Variants in TATDN2 observed in about 807,000 individuals in gnomAD.
TATDN2 encodes the protein TatD DNase domain containing 2, also known as 3'-5' RNA nuclease TATDN2.
TATDN2 carries 44 observed loss-of-function variants against 60.3 expected under a neutral mutation model. The observed-to-expected ratio is 0.73, with a 90% CI of 0.57 to 0.94. The LOEUF is 0.94. Ranked by LOEUF, TATDN2 falls within the 40% of genes least tolerant of loss-of-function variation. TATDN2 has a pLI of 0.00. For synonymous variants in TATDN2, 399 were observed against 355.8 expected (o/e 1.12, Z -1.37); for missense variants, 997 against 948.0 (o/e 1.05, Z -0.68).
At chr3:10,272,185 G>A (rs1698576520) in intron 4 of TATDN2, among the ~76,000 whole-genome samples, 1 of 151,838 alleles carries the variant, frequency 6.6e-6, no homozygotes, top group African/African-American at 2.4e-5. Context: ...GCTCACTGCA[G>A]CCTTGACCTC....
At chr3:10,268,029 T>C (rs1698503178) in intron 3 of TATDN2, among the ~76,000 whole-genome samples, 1 of 152,224 alleles carries the variant, frequency 6.6e-6, no homozygotes, top group Admixed American at 6.5e-5. Flanking sequence ...TAGATAAGTT[T>C]TTAAAGGTTT....
In TATDN2 at chr3:10,278,476, C is replaced by G; in HGVS notation, c.2145+14C>G. 1 of 1,606,266 alleles carries G rather than the reference C, an allele frequency of 6.2e-7. No homozygotes were observed. Among genetic ancestry groups the G allele is most frequent in the Non-Finnish European group, 8.5e-7 (1 of 1,173,958 alleles). On this transcript the variant is annotated intron_variant, in intron 6 of 7. Coordinates refer to ENST00000448281, the MANE Select transcript of TATDN2 (RefSeq NM_014760.4). This position sits in a 1 kb window ranked among gnomAD's most constrained non-coding sequence, Gnocchi z 4.7. ...CTCCCTCGCCAGGTAAGGGGGTCTT[C>G]AGGCTGAGTGGAGGCACCGGAGGGA...
chr3:10,259,463 G>C (rs1698367476), intron 2 of TATDN2, among the ~76,000 whole-genome samples: 1 of 152,222 alleles, frequency 6.6e-6, no homozygotes, highest in South Asian at 2.1e-4. Flanking sequence ...GGCAAACAAA[G>C]TCTAGCTTTT....
At chr3:10,260,691 G>C in intron 3 of TATDN2, 21 bp downstream of exon 3, 1 of 1,594,378 alleles carries the variant, frequency 6.3e-7, no homozygotes, top group Non-Finnish European at 8.5e-7. Context: ...CTTGTACCAG[G>C]CATCTGACTT....
intron 2 of TATDN2, among the ~76,000 whole-genome samples, chr3:10,250,405 A>C (rs1291037015): frequency 6.6e-6 from 1 of 152,006 alleles, no homozygotes; most frequent in African/African-American, 2.4e-5. Context: ...CTTTCCCCTT[A>C]GAGTTTGCAT....
Position 10,278,847 on chromosome 3 carries a change from A to G in TATDN2, c.2146-38A>G, listed in dbSNP as rs1250466816. The stretch of plus-strand genomic sequence containing the variant: ...AGTTCTAGATTATGACTGTGCACAC[A>G]TGGCACAATGATGTTATGACCACTT... On this transcript the variant is annotated intron_variant, in intron 6 of 7. Transcript: ENST00000448281. The surrounding 1 kb of genome is among the most constrained non-coding windows in gnomAD (Gnocchi z 4.7). The G allele has an allele frequency of 1.2e-6, 2 of 1,613,754 alleles. No individual in the cohort carries two copies. The highest frequency in any genetic ancestry group is 1.3e-5 in the African/African-American group (1 of 74,948).
rs548789484 is a variant in TATDN2, at chr3:10,257,297, TA to T, written c.415-2839del. Among the ~76,000 whole-genome samples the T allele has an allele frequency of 1.1e-3, 155 of 145,394 alleles. 3 individuals carry two copies. The highest frequency in any genetic ancestry group is 3.6e-3 in the African/African-American group (142 of 39,722). ...GAGATTTTGCCTCAAAAAAAAATTA[TA>T]TATATATATATATATGAATTCCTTA... On this transcript the variant is annotated intron_variant, in intron 2 of 7. Coordinates refer to ENST00000448281, the MANE Select transcript of TATDN2 (RefSeq NM_014760.4).
Position 10,249,455 on chromosome 3 carries a change from C to T in TATDN2, c.255C>T (p.Ser85=), listed in dbSNP as rs1198548595. ...GAAATAACTCCTCCTCCTCCTTCTC[C>T]CCACATTTCTTGGGCCCTGGTGTGG... ...RRRNNSSSSF[S]PHFLGPGVGG... is the part of the protein sequence containing the mutation. Residue 85 remains serine, a synonymous_variant, in exon 2 of 8, where the codon TCC becomes TCT. Transcript: ENST00000448281. The T allele has an allele frequency of 1.2e-6, 2 of 1,613,950 alleles. No homozygotes were observed. The highest frequency in any genetic ancestry group is 4.5e-5 in the East Asian group (2 of 44,870).
At chr3:10,274,761 ATTAAACAAAAG>A (rs1314493200) in intron 4 of TATDN2, among the ~76,000 whole-genome samples, 1 of 152,210 alleles carries the variant, frequency 6.6e-6, no homozygotes, top group Non-Finnish European at 1.5e-5. Context: ...GAAAACACAG[ATTAAACAAAAG>A]TTACATCAGA....
rs761680364 is a variant in TATDN2 at position 10,249,472 on chromosome 3, C to G, written c.272C>G (p.Pro91Arg). The G allele has an allele frequency of 6.8e-6, 11 of 1,613,740 alleles. No homozygotes were observed. The highest frequency in any genetic ancestry group is 6.7e-5 in the Admixed American group (4 of 59,986). The change falls in exon 2 of 8, where the codon CCT (proline) becomes CGT (arginine). Residue 91 changes from proline (P) to arginine (R), a missense_variant. Transcript: ENST00000448281. ...TCCTTCTCCCCACATTTCTTGGGCC[C>G]TGGTGTGGGCGGGGCCGCCTCCAAA... is the stretch of plus-strand genomic sequence containing the variant. ...SSSFSPHFLG[P>R]GVGGAASKGC...
intron 2 of TATDN2, 27 bp downstream of exon 2, chr3:10,249,641 G>A: frequency 2.7e-6 from 4 of 1,498,346 alleles, no homozygotes; most frequent in Non-Finnish European, 3.6e-6. Context: ...CTTTGCAATC[G>A]GTGAAGCCCC....
At chr3:10,258,599 A>C (rs937790082) in intron 2 of TATDN2, among the ~76,000 whole-genome samples, 1 of 151,532 alleles carries the variant, frequency 6.6e-6, no homozygotes, top group African/African-American at 2.4e-5. Flanking sequence ...CTCCTGAGTA[A>C]GTGGGATTAC....
intron 3 of TATDN2, 99 bp from the exon 4 acceptor site, chr3:10,270,032 A>G (rs1363810592): frequency 1.6e-5 from 24 of 1,457,460 alleles, no homozygotes; most frequent in Non-Finnish European, 2.1e-5. Context: ...CACCATGGCC[A>G]GAAGAACAAG....
intron 2 of TATDN2, among the ~76,000 whole-genome samples, chr3:10,257,841 ATTTTT>A (rs553265148): frequency 2.3e-3 from 70 of 30,302 alleles, no homozygotes; most frequent in South Asian, 4.3e-3. Context: ...AAGGTTTATG[ATTTTT>A]TTTTTTTTTT....
Position 10,270,637 on chromosome 3 carries a change from C to T in TATDN2, c.1455C>T (p.Ser485=). Residue 485 remains serine (S), a synonymous_variant, in exon 4 of 8, where the codon AGC becomes AGT. Coordinates refer to ENST00000448281, the MANE Select transcript of TATDN2 (RefSeq NM_014760.4). ...GGHASSSLPK[S]HLEPSLEEGF... The stretch of plus-strand genomic sequence containing the variant: ...ACGCATCCAGCTCCCTGCCAAAGAG[C>T]CACCTGGAGCCAAGCCTAGAGGAGG... 2 of 1,614,242 alleles carry T rather than the reference C, an allele frequency of 1.2e-6. No homozygotes were observed. Among genetic ancestry groups the T allele is most frequent in the Non-Finnish European group, 1.7e-6 (2 of 1,180,038 alleles).
At chr3:10,253,665 C>T (rs1698262318) in intron 2 of TATDN2, among the ~76,000 whole-genome samples, 1 of 152,232 alleles carries the variant, frequency 6.6e-6, no homozygotes, top group African/African-American at 2.4e-5. Flanking sequence ...AAGGCTTGGT[C>T]AACTATGATT....
At position 10,278,811 on chromosome 3, in the gene TATDN2, G is replaced by T. The variant is rs1194067469; in HGVS notation, c.2146-74G>T. ...CCAAAGAGGTCCTTGCTGGGGAAGGGACAGGGAGGGAGTTCTAGATTATGA... is the reference window on the plus strand; with the variant it reads ...CCAAAGAGGTCCTTGCTGGGGAAGGTACAGGGAGGGAGTTCTAGATTATGA... On this transcript the variant is annotated intron_variant, in intron 6 of 7. Coordinates refer to ENST00000448281, the MANE Select transcript of TATDN2 (RefSeq NM_014760.4). The surrounding 1 kb of genome is among the most constrained non-coding windows in gnomAD (Gnocchi z 4.7). 2.5e-6 allele frequency: 4 copies of T among 1,608,510 alleles called. No individual in the cohort carries two copies. Among genetic ancestry groups the T allele is most frequent in the Non-Finnish European group, 3.4e-6 (4 of 1,178,004 alleles).
intron 3 of TATDN2, among the ~76,000 whole-genome samples, chr3:10,267,367 T>C (rs1698493396): frequency 6.6e-6 from 1 of 152,136 alleles, no homozygotes; most frequent in African/African-American, 2.4e-5. Context: ...CTGTTTATGG[T>C]GTATGTTTCT....
intron 2 of TATDN2, among the ~76,000 whole-genome samples, chr3:10,257,317 TTCCTTAA>T (rs1698322815): frequency 2.1e-5 from 3 of 146,222 alleles, no homozygotes; most frequent in South Asian, 2.1e-4. Flanking sequence ...TATATATGAA[TTCCTTAA>T]ATATAAAAAG....
Sources: gnomAD v4.1 joint callset for allele counts (sites outside exome capture counted in the v4.1 genomes callset) on GRCh38, gnomAD v4.1.1 for gene constraint, Gnocchi (gnomAD v3.1) non-coding constraint, MANE v1.5 for transcripts, NCBI Gene and HGNC (gene_info 2026-07-23, HGNC 2026-07-21) for gene names.